The following MALRD1 variants were observed in gnomAD, a reference collection of about 807,000 sequenced individuals.
MALRD1 encodes the protein MAM and LDL-receptor class A domain-containing protein 1.
In MALRD1, 247 loss-of-function variants were observed where a neutral mutation model predicts 242.1. That is an observed-to-expected ratio of 1.02 (90% CI 0.92 to 1.13). The LOEUF (loss-of-function observed/expected upper bound fraction) is 1.13, where lower values mean the gene tolerates loss of function less well. Ranked by LOEUF, MALRD1 falls within the 50% of genes most tolerant of loss-of-function variation. The pLI is 0.00. For synonymous variants in MALRD1, 995 were observed against 866.6 expected (o/e 1.15, Z -2.60); for missense variants, 2,989 against 2,533.1 (o/e 1.18, Z -3.86).
At chr10:19,560,099 A>T (rs1272469641) in intron 32 of MALRD1, among the ~76,000 whole-genome samples, 2 of 152,216 alleles carry the variant, frequency 1.3e-5, no homozygotes, top group Non-Finnish European at 2.9e-5. Context: ...AAGGATCTAG[A>T]ACCAGAAATA....
At chr10:19,235,578 CAGAGAGAGAGAGAG>C (rs34117417) in intron 18 of MALRD1, among the ~76,000 whole-genome samples, 32 of 132,476 alleles carry the variant, frequency 2.4e-4, no homozygotes, top group African/African-American at 8.5e-4. Context: ...CCCACACCCA[CAGAGAGAGAGAGAG>C]AGAGAGAGAG....
At chr10:19,390,804 T>A (rs1292101574) in intron 28 of MALRD1, among the ~76,000 whole-genome samples, 1 of 152,170 alleles carries the variant, frequency 6.6e-6, no homozygotes, top group African/African-American at 2.4e-5. Context: ...GAAACCAGAA[T>A]TGACTTTATA....
intron 28 of MALRD1, among the ~76,000 whole-genome samples, chr10:19,447,062 AT>A (rs2131020186): frequency 1.1e-5 from 1 of 88,514 alleles, no homozygotes; most frequent in African/African-American, 3.9e-5. Context: ...ACACACACAC[AT>A]ACACAGACAC....
chr10:19,585,213 T>C (rs1179475843), intron 33 of MALRD1, among the ~76,000 whole-genome samples: 2 of 152,202 alleles, frequency 1.3e-5, no homozygotes, highest in African/African-American at 4.8e-5. Flanking sequence ...TTGGAGCATT[T>C]AGTCCATTTA....
intron 19 of MALRD1, 70 bp from the exon 20 acceptor site, chr10:19,279,977 G>A (rs933897787): frequency 7.3e-6 from 9 of 1,239,744 alleles, no homozygotes; most frequent in African/African-American, 1.5e-5. Flanking sequence ...GCTTCATTGT[G>A]TAAAATCTCT....
chr10:19,383,599 T>C lies in MALRD1; in HGVS notation c.4442-3929T>C, dbSNP rs146469813. ...TATGAATTGAGAGTTACTAAGTACATACCTTATATGGTTCATGCTGCTTAG... is the reference window on the plus strand; with the variant it reads ...TATGAATTGAGAGTTACTAAGTACACACCTTATATGGTTCATGCTGCTTAG... On this transcript the variant is annotated intron_variant, in intron 26 of 39. Transcript: ENST00000454679. Among the ~76,000 whole-genome samples, 87 of 152,216 alleles carry C rather than the reference T, an allele frequency of 5.7e-4. 1 individual carries two copies. The East Asian group carries it at 0.016, about 28-fold the overall frequency.
intron 20 of MALRD1, 73 bp from the exon 21 acceptor site, chr10:19,282,946 G>A (rs1194670783): frequency 4.7e-5 from 49 of 1,043,828 alleles, no homozygotes; most frequent in Non-Finnish European, 5.9e-5. Context: ...GAGTAAGAAA[G>A]TGCTGATTAA....
chr10:19,664,481 G>A (rs926497276), intron 36 of MALRD1, among the ~76,000 whole-genome samples: 1 of 151,888 alleles, frequency 6.6e-6, no homozygotes, highest in Admixed American at 6.6e-5. Flanking sequence ...GATGATGAGT[G>A]TAGTTGTAAA....
chr10:19,538,265 C>T (rs954912997), intron 32 of MALRD1, among the ~76,000 whole-genome samples: 9 of 152,134 alleles, frequency 5.9e-5, no homozygotes, highest in African/African-American at 2.2e-4. Flanking sequence ...ATCTTTTCAT[C>T]ATAAATGACT....
intron 14 of MALRD1, among the ~76,000 whole-genome samples, chr10:19,198,314 C>T (rs910829044): frequency 2.6e-5 from 4 of 152,168 alleles, no homozygotes; most frequent in African/African-American, 9.7e-5. Context: ...GTTCTTCTTG[C>T]TCTCCATGTC....
chr10:19,722,989 T>C (rs539134941), intron 38 of MALRD1, among the ~76,000 whole-genome samples: 2 of 152,134 alleles, frequency 1.3e-5, no homozygotes, highest in East Asian at 3.9e-4. Flanking sequence ...ACATGTTGGG[T>C]GAATGTCAAT....
At chr10:19,560,890 A>G (rs1452443571) in intron 32 of MALRD1, among the ~76,000 whole-genome samples, 1 of 152,140 alleles carries the variant, frequency 6.6e-6, no homozygotes, top group Admixed American at 6.6e-5. Context: ...GAAAACCACC[A>G]TGGCACGTGT....
intron 29 of MALRD1, among the ~76,000 whole-genome samples, chr10:19,483,837 A>G (rs1266451214): frequency 6.6e-6 from 1 of 152,178 alleles, no homozygotes; most frequent in Non-Finnish European, 1.5e-5. Flanking sequence ...TATGCTCTTC[A>G]TAGCACCATT....
rs566511267 is a variant in MALRD1, at chr10:19,346,511, A to G, written c.3902-1260A>G. Reference sequence around the variant, plus strand: ...TAGGTTCTTTTCAAGTATTTTTAATATTTGGACACTTATTTCACTTATGAT... The same window carrying G: ...TAGGTTCTTTTCAAGTATTTTTAATGTTTGGACACTTATTTCACTTATGAT... On this transcript the variant is annotated intron_variant, in intron 24 of 39. Transcript: ENST00000454679. Among the ~76,000 whole-genome samples, 47 of 152,290 alleles carry G rather than the reference A, an allele frequency of 3.1e-4. No individual in the cohort carries two copies. In the South Asian group the frequency reaches 9.3e-3, roughly 30 times the overall value.
chr10:19,260,246 G>C (rs935027034), intron 19 of MALRD1, among the ~76,000 whole-genome samples: 20 of 152,126 alleles, frequency 1.3e-4, no homozygotes, highest in Non-Finnish European at 2.1e-4. Context: ...GTGTAGGTTG[G>C]CATAGAGAAT....
chr10:19,562,969 A>G (rs529559446), intron 32 of MALRD1, among the ~76,000 whole-genome samples: 1 of 152,326 alleles, frequency 6.6e-6, no homozygotes, highest in Admixed American at 6.5e-5. Flanking sequence ...GGTGCCAAAA[A>G]GACTGGGGAT....
intron 36 of MALRD1, among the ~76,000 whole-genome samples, chr10:19,665,167 C>T (rs909559984): frequency 6.6e-6 from 1 of 152,062 alleles, no homozygotes; most frequent in South Asian, 2.1e-4. Flanking sequence ...TGATGAGTAA[C>T]TCAGAGGTGG....
Position 19,478,464 on chromosome 10 carries a change from C to G in MALRD1, c.5030-13053C>G, listed in dbSNP as rs1257990541. On this transcript the variant is annotated intron_variant, in intron 29 of 39. Coordinates refer to ENST00000454679, the MANE Select transcript of MALRD1 (RefSeq NM_001142308.3). ...TTAGAAAATATTAATTAAGACTAAA[C>G]ACACAACGTATCTCATCAATCATGG... 2.6e-5 allele frequency among the ~76,000 whole-genome samples: 4 copies of G among 151,994 alleles called. 1 individual carries two copies. The highest frequency in any genetic ancestry group is 5.9e-5 in the Non-Finnish European group (4 of 68,032).
chr10:19,342,330 A>G (rs1039379717), intron 24 of MALRD1, among the ~76,000 whole-genome samples: 3 of 152,140 alleles, frequency 2.0e-5, no homozygotes, highest in African/African-American at 7.2e-5. Context: ...CTTATAATTA[A>G]CACTCACATT....
Sources: gnomAD v4.1 joint callset for allele counts (sites outside exome capture counted in the v4.1 genomes callset) on GRCh38, gnomAD v4.1.1 for gene constraint, MANE v1.5 for transcripts, NCBI Gene and HGNC (gene_info 2026-07-23, HGNC 2026-07-21) for gene names.